The following PCDHGA5 variants were observed in gnomAD, a reference collection of about 807,000 sequenced individuals.
PCDHGA5 encodes protocadherin gamma subfamily A, 5.
A neutral mutation model predicts 56.7 loss-of-function variants in PCDHGA5; 36 were observed. That is an observed-to-expected ratio of 0.64 (90% CI 0.49 to 0.84). The LOEUF (loss-of-function observed/expected upper bound fraction) is 0.84. Among genes scored for constraint, PCDHGA5 ranks in the 40% least tolerant of loss-of-function variants. The probability of loss-of-function intolerance (pLI) is 0.00; values close to 1 mark genes in which losing one functional copy is unlikely to be tolerated. For synonymous variants in PCDHGA5, 563 were observed against 520.2 expected, an observed-to-expected ratio of 1.08 and a Z score of -1.12; for missense variants, 1,305 against 1,201.5, an observed-to-expected ratio of 1.09 and a Z score of -1.27.
chr5:141,482,530 C>CAAAAAAAAAAAAAAAAAA (rs3074545), intron 1 of PCDHGA5, among the ~76,000 whole-genome samples: 1 of 76,562 alleles, frequency 1.3e-5, no homozygotes, highest in Non-Finnish European at 2.6e-5. Flanking sequence ...GACAGACATG[C>CAAAAAAAAAAAAAAAAAA]AAAAAAAAAA....
chr5:141,394,941 G>C lies in PCDHGA5; in HGVS notation c.2421+28190G>C, dbSNP rs1238884149. The C allele has an allele frequency of 3.1e-6, 5 of 1,613,748 alleles. No individual in the cohort carries two copies. The East Asian group carries it at 1.1e-4, about 36-fold the overall frequency. On this transcript the variant is annotated intron_variant, in intron 1 of 3. Coordinates refer to ENST00000518069, the MANE Select transcript of PCDHGA5 (RefSeq NM_018918.3). Reference sequence around the variant, plus strand: ...CTGTGTCTTCCTCGCCTTTGTCGCTGTGCTTCTGGGGCTCAGGCTGAGGCG... The same window carrying C: ...CTGTGTCTTCCTCGCCTTTGTCGCTCTGCTTCTGGGGCTCAGGCTGAGGCG...
rs369227893 is a variant in PCDHGA5, at chr5:141,419,063, T to A, written c.2421+52312T>A. 47 of 1,613,840 alleles carry A rather than the reference T, an allele frequency of 2.9e-5. No homozygotes were observed. The highest frequency in any genetic ancestry group is 4.0e-5 in the Non-Finnish European group (47 of 1,179,904). On this transcript the variant is annotated intron_variant, in intron 1 of 3. Coordinates refer to ENST00000518069, the MANE Select transcript of PCDHGA5 (RefSeq NM_018918.3). ...GATTCATTCTTCTTCTAATAATTACTACAAGCTAGTAACAGATGAGGCCCT... is the reference window on the plus strand; with the variant it reads ...GATTCATTCTTCTTCTAATAATTACAACAAGCTAGTAACAGATGAGGCCCT...
At chr5:141,374,378 A>ACCCCCC (rs1425489237) in intron 1 of PCDHGA5, 1 of 1,614,038 alleles carries the variant, frequency 6.2e-7, no homozygotes, top group Admixed American at 1.7e-5. Context: ...CTGTGCTCAG[A>ACCCCCC]GCCCGCGGTG....
In PCDHGA5 at chr5:141,487,218, C is replaced by G. The variant is rs2099641338; in HGVS notation, c.2422-7589C>G. The stretch of plus-strand genomic sequence containing the variant: ...CCAGATCTTCGAGAATCTTCAGCTC[C>G]AAGGGAAGGAGAATCTCGTCTAACC... On this transcript the variant is annotated intron_variant, in intron 1 of 3. Transcript: ENST00000518069. The surrounding 1 kb of genome is among the most constrained non-coding windows in gnomAD (Gnocchi z 5.0). 1 of 1,613,820 alleles carries G rather than the reference C, an allele frequency of 6.2e-7. No homozygotes were observed. The highest frequency in any genetic ancestry group is 1.1e-5 in the South Asian group (1 of 91,078).
chr5:141,447,428 G>C (rs542079336), intron 1 of PCDHGA5, among the ~76,000 whole-genome samples: 1 of 152,184 alleles, frequency 6.6e-6, no homozygotes, highest in African/African-American at 2.4e-5. Flanking sequence ...GTGAGCCACC[G>C]CACCCGGAGG....
chr5:141,371,323 AAGAG>A, intron 1 of PCDHGA5: 4 of 1,614,012 alleles, frequency 2.5e-6, no homozygotes, highest in Non-Finnish European at 3.4e-6. Flanking sequence ...CTGGACTTTG[AAGAG>A]AGAGATAGCT....
intron 1 of PCDHGA5, chr5:141,395,540 GTT>G (rs1195680754): frequency 2.1e-5 from 4 of 186,176 alleles, no homozygotes; most frequent in South Asian, 7.0e-5. Flanking sequence ...TTTTGCTATT[GTT>G]TGTGTGTGTG....
rs1048081343 is a variant in PCDHGA5 at position 141,432,618 on chromosome 5, G to C, written c.2422-62189G>C. 6.2e-7 allele frequency: 1 copy of C among 1,612,806 alleles called. No individual in the cohort carries two copies. Among genetic ancestry groups the C allele is most frequent in the South Asian group, 1.1e-5 (1 of 90,950 alleles). ...AGCGAGCCGGGACTCTTCTCGGTGG[G>C]TCTGCACACGGGCGAGGTGCGCACG... On this transcript the variant is annotated intron_variant, in intron 1 of 3. Transcript: ENST00000518069. The surrounding 1 kb of genome is among the most constrained non-coding windows in gnomAD (Gnocchi z 6.0).
Position 141,365,714 on chromosome 5 carries a change from A to T in PCDHGA5, c.1384A>T (p.Thr462Ser). Residue 462 changes from threonine (T) to serine (S), a missense_variant, in exon 1 of 4, where the codon ACA (threonine) becomes TCA (serine). Transcript: ENST00000518069. ...FPQASYSTSVTENNPRGVSIF... is the reference protein window; with the variant it reads ...FPQASYSTSVSENNPRGVSIF... ...TCAAGCCTCCTACTCCACCTCTGTCACAGAAAACAATCCCAGAGGTGTCTC... is the reference window on the plus strand; with the variant it reads ...TCAAGCCTCCTACTCCACCTCTGTCTCAGAAAACAATCCCAGAGGTGTCTC... The T allele has an allele frequency of 1.9e-6, 3 of 1,613,646 alleles. No homozygotes were observed. The highest frequency in any genetic ancestry group is 2.5e-6 in the Non-Finnish European group (3 of 1,179,860).
chr5:141,398,707 C>T, intron 1 of PCDHGA5: 1 of 1,613,860 alleles, frequency 6.2e-7, no homozygotes, highest in Non-Finnish European at 8.5e-7. Flanking sequence ...ATACCCGGAA[C>T]TGGCACTGGA....
intron 1 of PCDHGA5, among the ~76,000 whole-genome samples, chr5:141,448,931 C>G (rs966398044): frequency 1.3e-5 from 2 of 152,040 alleles, no homozygotes; most frequent in African/African-American, 4.8e-5. Context: ...GGCGACAGAG[C>G]AAGACTGCAA....
At chr5:141,429,387 T>TTA (rs775632416) in intron 1 of PCDHGA5, among the ~76,000 whole-genome samples, 40 of 151,448 alleles carry the variant, frequency 2.6e-4, no homozygotes, top group African/African-American at 7.0e-4. Context: ...GTTTTTTTTT[T>TTA]AAAAAAAATT....
At position 141,393,382 on chromosome 5, in the gene PCDHGA5, T is replaced by G. The variant is rs778957877; in HGVS notation, c.2421+26631T>G. ...GTGCAGACTGGAGACAATGGAGCCA[T>G]AAACCCAGAGCTGGTGCTGGAGCGC... On this transcript the variant is annotated intron_variant, in intron 1 of 3. Coordinates refer to ENST00000518069, the MANE Select transcript of PCDHGA5 (RefSeq NM_018918.3). The G allele has an allele frequency of 1.9e-6, 3 of 1,613,948 alleles. No individual in the cohort carries two copies. In the South Asian group the frequency reaches 3.3e-5, roughly 18 times the overall value.
At chr5:141,453,420 C>A (rs2098764964) in intron 1 of PCDHGA5, among the ~76,000 whole-genome samples, 1 of 152,054 alleles carries the variant, frequency 6.6e-6, no homozygotes, top group African/African-American at 2.4e-5. Context: ...GCATAAGCCA[C>A]CACACCTAGC....
chr5:141,365,309 C>T lies in PCDHGA5; in HGVS notation c.979C>T (p.Leu327Phe), dbSNP rs200560640. 105 of 1,613,826 alleles carry T rather than the reference C, an allele frequency of 6.5e-5. 1 individual carries two copies. The highest frequency in any genetic ancestry group is 8.5e-5 in the Non-Finnish European group (100 of 1,179,886). ...AGTGGTAGCTCAGGATGGAGGCGCT[C>T]TTGTTGCCAGCGCTAAGGTGGTGGT... ...MEVVAQDGGALVASAKVVVTV... is the reference protein window; with the variant it reads ...MEVVAQDGGAFVASAKVVVTV... Residue 327 changes from leucine (L) to phenylalanine (F), a missense_variant, in exon 1 of 4, where the codon CTT becomes TTT. Physicochemically the swap from Leu to Phe is conservative, Grantham distance 22 (BLOSUM62 0). Transcript: ENST00000518069.
chr5:141,368,187 G>A (rs80010247), intron 1 of PCDHGA5, among the ~76,000 whole-genome samples: 206 of 152,174 alleles, frequency 1.4e-3, no homozygotes, highest in African/African-American at 4.8e-3. Context: ...GACTAAATAA[G>A]GGGAAAAGGT....
chr5:141,429,169 TACACACACACACACACACAC>T (rs10667977), intron 1 of PCDHGA5: 4 of 145,394 alleles, frequency 2.8e-5, no homozygotes, highest in Non-Finnish European at 6.0e-5. Flanking sequence ...ACATTGTTTA[TACACACACACACACACACAC>T]ACACACACAC....
In PCDHGA5 at chr5:141,476,229, C is replaced by T; in HGVS notation, c.2422-18578C>T. ...TCCACGGTCATTCACTATGAGATCC[C>T]GGAGGAAAGAGAGAAGGGTTTCGCT... On this transcript the variant is annotated intron_variant, in intron 1 of 3. Coordinates refer to ENST00000518069, the MANE Select transcript of PCDHGA5 (RefSeq NM_018918.3). The surrounding 1 kb of genome is among the most constrained non-coding windows in gnomAD (Gnocchi z 7.6). 1 of 1,613,872 alleles carries T rather than the reference C, an allele frequency of 6.2e-7. No individual in the cohort carries two copies. The highest frequency in any genetic ancestry group is 2.2e-5 in the East Asian group (1 of 44,822).
chr5:141,403,909 A>G (rs2094466419), intron 1 of PCDHGA5: 1 of 1,613,946 alleles, frequency 6.2e-7, no homozygotes, highest in East Asian at 2.2e-5. Context: ...AAATGGAAAT[A>G]CAAGCTGAAG....
Sources: allele counts gnomAD v4.1 joint callset (sites outside exome capture counted in the v4.1 genomes callset), GRCh38; gene constraint gnomAD v4.1.1; non-coding constraint Gnocchi (gnomAD v3.1); transcripts MANE v1.5; gene names NCBI Gene and HGNC (gene_info 2026-07-23, HGNC 2026-07-21).